Variants in SLC4A4 observed in about 807,000 individuals in gnomAD.
The protein encoded by SLC4A4 is solute carrier family 4 member 4.
In SLC4A4, 27 loss-of-function variants were observed where a neutral mutation model predicts 111.5. That is an observed-to-expected ratio of 0.24 (90% confidence interval 0.18 to 0.33). The LOEUF (loss-of-function observed/expected upper bound fraction) is 0.33, where lower values mean the gene tolerates loss of function less well. Ranked by LOEUF, SLC4A4 falls within the 10% of genes least tolerant of loss-of-function variation. SLC4A4 has a pLI of 1.00. For synonymous variants in SLC4A4, 443 were observed against 463.4 expected (o/e 0.96, Z 0.57); for missense variants, 909 against 1,315.5 (o/e 0.69, Z 4.78).
At chr4:71,316,193 C>T (rs1726661746) in intron 3 of SLC4A4, among the ~76,000 whole-genome samples, 1 of 152,128 alleles carries the variant, frequency 6.6e-6, no homozygotes. Flanking sequence ...ACTGTGGCAG[C>T]AAAATAAATG....
intron 8 of SLC4A4, among the ~76,000 whole-genome samples, chr4:71,445,965 A>G (rs923509335): frequency 1.2e-4 from 18 of 152,188 alleles, no homozygotes; most frequent in African/African-American, 4.3e-4. Context: ...GACTTCCTTC[A>G]TACTTGAACA....
At chr4:71,520,901 T>C (rs1732874958) in intron 16 of SLC4A4, among the ~76,000 whole-genome samples, 1 of 152,096 alleles carries the variant, frequency 6.6e-6, no homozygotes. Context: ...GTTACCTAGC[T>C]TGATCTCAAA....
At chr4:71,126,072 C>T (rs1165401195) in intron 2 of SLC4A4, among the ~76,000 whole-genome samples, 2 of 152,054 alleles carry the variant, frequency 1.3e-5, no homozygotes, top group South Asian at 4.2e-4. Context: ...TTCTTTAGCA[C>T]GGCTCATCAA....
chr4:71,174,935 G>C (rs1416168020), intron 2 of SLC4A4, among the ~76,000 whole-genome samples: 2 of 152,126 alleles, frequency 1.3e-5, no homozygotes, highest in Non-Finnish European at 2.9e-5. Context: ...ATGGAGCCCA[G>C]GTGGGAAGTG....
intron 6 of SLC4A4, among the ~76,000 whole-genome samples, chr4:71,378,013 C>T (rs1046042999): frequency 2.6e-5 from 4 of 151,936 alleles, no homozygotes; most frequent in Non-Finnish European, 4.4e-5. Flanking sequence ...CCTGATAAAC[C>T]CATCAGATCT....
At chr4:71,318,879 C>T (rs140236560) in intron 3 of SLC4A4, among the ~76,000 whole-genome samples, 75 of 148,436 alleles carry the variant, frequency 5.1e-4, no homozygotes, top group African/African-American at 1.8e-3. Flanking sequence ...GTTATTTTGA[C>T]ATGAGTTTTG....
intron 20 of SLC4A4, among the ~76,000 whole-genome samples, chr4:71,549,689 C>CT (rs1735822601): frequency 6.6e-6 from 1 of 151,760 alleles, no homozygotes; most frequent in South Asian, 2.1e-4. Flanking sequence ...CCTAGAGAAT[C>CT]TGACAGTTGA....
intron 3 of SLC4A4, among the ~76,000 whole-genome samples, chr4:71,295,192 T>C (rs1384798140): frequency 2.0e-5 from 3 of 152,190 alleles, no homozygotes; most frequent in African/African-American, 7.2e-5. Context: ...GTTGTAGATG[T>C]GGATTTAGGA....
chr4:71,097,174 C>T (rs1478780462), intron 2 of SLC4A4, among the ~76,000 whole-genome samples: 1 of 152,166 alleles, frequency 6.6e-6, no homozygotes, highest in Non-Finnish European at 1.5e-5. Context: ...TCCCTCCTCC[C>T]ATCATCCACC....
intron 16 of SLC4A4, among the ~76,000 whole-genome samples, chr4:71,528,626 A>G (rs898607854): frequency 1.2e-4 from 18 of 152,080 alleles, no homozygotes. Flanking sequence ...ATTCTAAGGA[A>G]ACAGTCTTAT....
chr4:71,272,237 G>A (rs1201889366), intron 3 of SLC4A4, among the ~76,000 whole-genome samples: 1 of 152,244 alleles, frequency 6.6e-6, no homozygotes, highest in Non-Finnish European at 1.5e-5. Context: ...AAAAGCTCAT[G>A]TAGTGGTGCT....
chr4:71,288,208 C>G (rs1165748820), intron 3 of SLC4A4, among the ~76,000 whole-genome samples: 2 of 152,124 alleles, frequency 1.3e-5, no homozygotes, highest in African/African-American at 4.8e-5. Context: ...TGGATTCTAT[C>G]TTGCATGGTG....
At chr4:71,314,567 G>A (rs1002742894) in intron 3 of SLC4A4, among the ~76,000 whole-genome samples, 2 of 152,092 alleles carry the variant, frequency 1.3e-5, no homozygotes, top group Non-Finnish European at 2.9e-5. Context: ...CACATATACA[G>A]CATGGAATAC....
rs538796369 is a variant in SLC4A4, at chr4:71,395,320, G to GC, written c.731-2256dup. On this transcript the variant is annotated intron_variant, in intron 6 of 25. Transcript: ENST00000264485. ...GCTTAGTTACTAGAAGTGTTGACTAGCAGACTCTTGCAGTGTTAAACATTA... is the reference window on the plus strand; with the variant it reads ...GCTTAGTTACTAGAAGTGTTGACTAGCCAGACTCTTGCAGTGTTAAACATTA... Among the ~76,000 whole-genome samples the GC allele has an allele frequency of 3.0e-3, 455 of 152,248 alleles. 4 individuals are homozygous for GC. Among genetic ancestry groups the GC allele is most frequent in the Non-Finnish European group, 3.4e-3 (231 of 68,002 alleles).
At chr4:71,350,137 A>T in intron 5 of SLC4A4, 65 bp downstream of exon 5, 1 of 1,511,120 alleles carries the variant, frequency 6.6e-7, no homozygotes, top group Non-Finnish European at 9.2e-7. Context: ...GTCTCCATCA[A>T]GGCAGATGAC....
At chr4:71,476,266 G>C (rs558386755) in intron 14 of SLC4A4, among the ~76,000 whole-genome samples, 1 of 151,834 alleles carries the variant, frequency 6.6e-6, no homozygotes, top group African/African-American at 2.4e-5. Flanking sequence ...CATCAATTTA[G>C]TATTTCTTGA....
intron 14 of SLC4A4, among the ~76,000 whole-genome samples, chr4:71,480,998 C>A (rs1728827431): frequency 6.6e-6 from 1 of 151,734 alleles, no homozygotes; most frequent in South Asian, 2.1e-4. Context: ...GTAATCTTAG[C>A]TGCCATTTAT....
At chr4:71,432,973 A>G (rs2054934591) in intron 7 of SLC4A4, among the ~76,000 whole-genome samples, 3 of 152,108 alleles carry the variant, frequency 2.0e-5, no homozygotes, top group Non-Finnish European at 4.4e-5. Context: ...ATAAGTATAT[A>G]TCAGAAGTCT....
rs547548486 is a variant in SLC4A4 at position 71,372,744 on chromosome 4, G to A, written c.730+15557G>A. ...GTCTAGTTTGTCCATCTACTGGGCA[G>A]GGACCTGGTCCAGTTCAGTGTTTTG... On this transcript the variant is annotated intron_variant, in intron 6 of 25. Coordinates refer to ENST00000264485, the MANE Select transcript of SLC4A4 (RefSeq NM_001098484.3). 4.6e-5 allele frequency among the ~76,000 whole-genome samples: 7 copies of A among 152,280 alleles called. No homozygotes were observed. In the South Asian group the frequency reaches 1.5e-3, roughly 32 times the overall value.
Sources: gnomAD v4.1 joint callset for allele counts (sites outside exome capture counted in the v4.1 genomes callset) on GRCh38, gnomAD v4.1.1 for gene constraint, MANE v1.5 for transcripts, NCBI Gene and HGNC (gene_info 2026-07-23, HGNC 2026-07-21) for gene names.